The following DOCK9 variants were observed in gnomAD, a reference collection of about 807,000 sequenced individuals.
DOCK9 encodes dedicator of cytokinesis protein 9.
Under a neutral mutation model 263.3 loss-of-function variants are expected in DOCK9, and 89 were observed. That is an observed-to-expected ratio of 0.34 (90% confidence interval 0.28 to 0.40). The LOEUF is 0.40. Ranked by LOEUF, DOCK9 falls within the 10% of genes least tolerant of loss-of-function variation. The pLI is 1.00. For missense variants in DOCK9, 2,140 were observed against 2,603.4 expected, an observed-to-expected ratio of 0.82 and a Z score of 3.87; for synonymous variants, 976 against 973.1, an observed-to-expected ratio of 1.00 and a Z score of -0.06.
chr13:99,006,370 A>G (rs913869139), intron 1 of DOCK9, among the ~76,000 whole-genome samples: 1 of 152,076 alleles, frequency 6.6e-6, no homozygotes, highest in Non-Finnish European at 1.5e-5. Context: ...CTAGCCTACA[A>G]AAATAACTAT....
intron 2 of DOCK9, among the ~76,000 whole-genome samples, chr13:98,941,471 T>C (rs1748247959): frequency 1.3e-5 from 2 of 152,236 alleles, no homozygotes; most frequent in Admixed American, 1.3e-4. Flanking sequence ...ATCCCTTAAA[T>C]GGAAGAGCAC....
intron 3 of DOCK9, among the ~76,000 whole-genome samples, chr13:98,927,070 G>C (rs1411966241): frequency 6.6e-6 from 1 of 152,210 alleles, no homozygotes; most frequent in Non-Finnish European, 1.5e-5. Flanking sequence ...TACTGGCAAG[G>C]GTGTGATGTG....
intron 52 of DOCK9, chr13:98,796,262 A>G: frequency 6.6e-7 from 1 of 1,525,564 alleles, no homozygotes; most frequent in South Asian, 1.2e-5. Flanking sequence ...GTTAAAGCTC[A>G]CACACTGACG....
intron 45 of DOCK9, among the ~76,000 whole-genome samples, chr13:98,815,643 G>A (rs1346637055): frequency 1.3e-5 from 2 of 151,974 alleles, no homozygotes; most frequent in African/African-American, 4.8e-5. Context: ...CACCATGCCC[G>A]GCTAATTTTT....
chr13:98,908,006 T>C (rs1223216748), intron 9 of DOCK9, among the ~76,000 whole-genome samples: 2 of 152,188 alleles, frequency 1.3e-5, no homozygotes, highest in Non-Finnish European at 2.9e-5. Flanking sequence ...CACTAAGGCA[T>C]GAATGTTAGG....
intron 1 of DOCK9, among the ~76,000 whole-genome samples, chr13:98,996,723 T>G (rs1189092424): frequency 5.3e-5 from 8 of 152,262 alleles, no homozygotes. Context: ...TGTTAGTGTA[T>G]TTTATGTGTG....
intron 45 of DOCK9, among the ~76,000 whole-genome samples, chr13:98,815,906 TA>T (rs2091801412): frequency 6.6e-6 from 1 of 152,224 alleles, no homozygotes. Context: ...TAAAGAGTCT[TA>T]ACTCCACGCC....
chr13:98,852,483 G>A (rs1196136644), intron 35 of DOCK9, among the ~76,000 whole-genome samples: 1 of 151,896 alleles, frequency 6.6e-6, no homozygotes, highest in Non-Finnish European at 1.5e-5. Flanking sequence ...ATGGAAGCTT[G>A]ATCTAAAAGA....
intron 45 of DOCK9, among the ~76,000 whole-genome samples, chr13:98,823,354 C>T (rs2092380258): frequency 6.6e-6 from 1 of 152,172 alleles, no homozygotes; most frequent in South Asian, 2.1e-4. Flanking sequence ...TTTAGAGAAC[C>T]ACTGACTTAT....
intron 47 of DOCK9, chr13:98,808,581 G>T: frequency 8.7e-7 from 1 of 1,148,696 alleles, no homozygotes; most frequent in South Asian, 1.3e-5. Flanking sequence ...ATCAAACTAG[G>T]AGTTTAGACG....
At chr13:98,978,735 C>G (rs1228208688), upstream of DOCK9, among the ~76,000 whole-genome samples, 1 of 152,174 alleles carries the variant, frequency 6.6e-6, no homozygotes, top group East Asian at 1.9e-4. Flanking sequence ...GTATCTCTCC[C>G]TTCAAAGAAC....
chr13:99,049,082 C>A (rs1478899197), intron 1 of DOCK9, among the ~76,000 whole-genome samples: 4 of 152,188 alleles, frequency 2.6e-5, no homozygotes, highest in African/African-American at 7.2e-5. Flanking sequence ...AGACTTCAAT[C>A]AATCACTCTG....
chr13:98,981,530 C>A (rs1208850387), upstream of DOCK9, among the ~76,000 whole-genome samples: 1 of 152,202 alleles, frequency 6.6e-6, no homozygotes, highest in African/African-American at 2.4e-5. Flanking sequence ...AGATTGAGAA[C>A]AGCAATTCTG....
intron 45 of DOCK9, among the ~76,000 whole-genome samples, chr13:98,812,613 A>G (rs2091423821): frequency 6.6e-6 from 1 of 152,306 alleles, no homozygotes; most frequent in Non-Finnish European, 1.5e-5. Context: ...AAAAGCAAAC[A>G]TACTGAATGG....
At chr13:99,048,413 A>C (rs2040536235) in intron 1 of DOCK9, among the ~76,000 whole-genome samples, 1 of 152,236 alleles carries the variant, frequency 6.6e-6, no homozygotes, top group African/African-American at 2.4e-5. Flanking sequence ...ATAAGAAGGA[A>C]TTTTGAATAA....
At chr13:98,900,801 A>G (rs2048153931) in intron 13 of DOCK9, among the ~76,000 whole-genome samples, 1 of 152,202 alleles carries the variant, frequency 6.6e-6, no homozygotes, top group East Asian at 1.9e-4. Flanking sequence ...TCTGACTCCA[A>G]AATCCATTTC....
chr13:99,071,306 C>CTTTTTTTTTTTTTTTTTTTTTTTT lies in DOCK9; in HGVS notation c.129+14893_129+14916dup, dbSNP rs71114578. Reference sequence around the variant, plus strand: ...TACAGGTGCTTGCCACCATGCCTGGCTTTTTTTTTTTTTTTTTTTTTTTTT... The same window carrying CTTTTTTTTTTTTTTTTTTTTTTTT: ...TACAGGTGCTTGCCACCATGCCTGGCTTTTTTTTTTTTTTTTTTTTTTTTTTTTTTTTTTTTTTTTTTTTTTTTT... On this transcript the variant is annotated intron_variant, in intron 1 of 32. Coordinates refer to the DOCK9 transcript ENST00000427887. Among the ~76,000 whole-genome samples, 10 of 49,330 alleles carry CTTTTTTTTTTTTTTTTTTTTTTTT rather than the reference C, an allele frequency of 2.0e-4. 1 individual carries two copies. The highest frequency in any genetic ancestry group is 1.1e-3 in the Admixed American group (4 of 3,642). The allele number at this position is 49,330 out of a possible 152,430, so 32.4% of individuals were successfully genotyped here. A position where few individuals can be genotyped will look rare whatever the true frequency, so the allele number is the denominator to read the frequency against.
intron 1 of DOCK9, among the ~76,000 whole-genome samples, chr13:98,976,411 T>C (rs2060284628): frequency 6.6e-6 from 1 of 152,002 alleles, no homozygotes; most frequent in Non-Finnish European, 1.5e-5. Flanking sequence ...AAAAATTGCA[T>C]AGCATCTTTC....
At chr13:98,988,811 G>C (rs1879060777) in intron 1 of DOCK9, among the ~76,000 whole-genome samples, 1 of 152,210 alleles carries the variant, frequency 6.6e-6, no homozygotes, top group Non-Finnish European at 1.5e-5. Flanking sequence ...TTGAACAGAG[G>C]GAGGAAAAGA....
Sources: allele counts gnomAD v4.1 joint callset (sites outside exome capture counted in the v4.1 genomes callset), GRCh38; gene constraint gnomAD v4.1.1; transcripts MANE v1.5; gene names NCBI Gene and HGNC (gene_info 2026-07-23, HGNC 2026-07-21).